The following UGGT2 variants were observed in gnomAD, a reference collection of about 807,000 sequenced individuals.
UGGT2 encodes the protein UDP-glucose glycoprotein glucosyltransferase 2.
A neutral mutation model predicts 192.1 loss-of-function variants in UGGT2; 180 were observed. The observed-to-expected ratio is 0.94, with a 90% confidence interval of 0.83 to 1.06. UGGT2 has a LOEUF of 1.06. Among genes scored for constraint, UGGT2 ranks in the 50% least tolerant of loss-of-function variants. UGGT2 has a pLI of 0.00. For synonymous variants in UGGT2, 580 were observed against 591.0 expected, an observed-to-expected ratio of 0.98 and a Z score of 0.27; for missense variants, 1,849 against 1,795.7, an observed-to-expected ratio of 1.03 and a Z score of -0.54.
chr13:95,903,112 C>A (rs1454604421), intron 20 of UGGT2, 52 bp from the exon 21 acceptor site: 1 of 1,525,020 alleles, frequency 6.6e-7, no homozygotes, highest in Non-Finnish European at 8.8e-7. Flanking sequence ...TATCATTTTA[C>A]AGGTGAATAT....
intron 25 of UGGT2, among the ~76,000 whole-genome samples, chr13:95,889,741 T>C (rs1297680256): frequency 6.6e-6 from 1 of 152,232 alleles, no homozygotes; most frequent in Non-Finnish European, 1.5e-5. Flanking sequence ...CATTTTCCTC[T>C]TTCACAGGGA....
At chr13:95,997,385 C>T (rs576320220) in intron 6 of UGGT2, among the ~76,000 whole-genome samples, 33 of 152,134 alleles carry the variant, frequency 2.2e-4, no homozygotes, top group East Asian at 1.9e-4. Context: ...TGGTGGCTCA[C>T]GCCTGTAATC....
intron 7 of UGGT2, among the ~76,000 whole-genome samples, chr13:95,993,720 T>C (rs61972952): frequency 0.028 from 4,205 of 152,288 alleles, 74 homozygotes; most frequent in Non-Finnish European, 0.034. Flanking sequence ...TTACTGTCTA[T>C]AGTTATCTAC....
intron 38 of UGGT2, among the ~76,000 whole-genome samples, chr13:95,802,616 C>T (rs945914591): frequency 1.3e-5 from 2 of 152,146 alleles, no homozygotes; most frequent in Non-Finnish European, 2.9e-5. Context: ...CAGGATACAC[C>T]GCTGAAACGA....
At chr13:95,872,932 T>A (rs1891342351) in intron 29 of UGGT2, among the ~76,000 whole-genome samples, 1 of 152,206 alleles carries the variant, frequency 6.6e-6, no homozygotes, top group Admixed American at 6.5e-5. Flanking sequence ...ACAATGATTT[T>A]CCCATTTAGT....
chr13:95,950,419 G>A (rs1486340891), intron 12 of UGGT2, among the ~76,000 whole-genome samples: 1 of 151,862 alleles, frequency 6.6e-6, no homozygotes, highest in Non-Finnish European at 1.5e-5. Context: ...AAAAATAGTA[G>A]AGCCTTCACA....
intron 20 of UGGT2, among the ~76,000 whole-genome samples, chr13:95,913,159 A>G (rs1439489215): frequency 7.9e-5 from 12 of 152,200 alleles, no homozygotes. Flanking sequence ...AGGCAATACC[A>G]TTTAGGACAT....
At chr13:95,933,936 G>A (rs1250762177) in intron 17 of UGGT2, among the ~76,000 whole-genome samples, 5 of 152,022 alleles carry the variant, frequency 3.3e-5, no homozygotes, top group East Asian at 1.9e-4. Context: ...TGCCCACCTC[G>A]GCCTCCCAAA....
intron 5 of UGGT2, among the ~76,000 whole-genome samples, chr13:96,009,327 C>T (rs2052081712): frequency 6.6e-6 from 1 of 152,076 alleles, no homozygotes; most frequent in South Asian, 2.1e-4. Context: ...GCAACAAAAA[C>T]AAAAATTGAC....
intron 7 of UGGT2, among the ~76,000 whole-genome samples, chr13:95,995,182 A>G (rs1010074425): frequency 6.6e-6 from 1 of 152,106 alleles, no homozygotes; most frequent in South Asian, 2.1e-4. Flanking sequence ...TTAGTAAAAA[A>G]AGATAAACAC....
At position 95,854,319 on chromosome 13, in the gene UGGT2, T is replaced by C. The variant is rs767824053; in HGVS notation, c.4165A>G (p.Ile1389Val). The stretch of plus-strand genomic sequence containing the variant: ...TAAGGGTCTGACTTTTCTTACCTGA[T>C]ATGGTATTTCCGTCTTAAAAGATGT... ...ASHLLRRKYHISALYVVDLKK... is the reference protein window; with the variant it reads ...ASHLLRRKYHVSALYVVDLKK... The change falls in exon 35 of 39, where the codon ATC becomes GTC. Residue 1389 changes from isoleucine (I) to valine (V), a missense_variant. Coordinates refer to ENST00000376747, the MANE Select transcript of UGGT2 (RefSeq NM_020121.4). 2.5e-6 allele frequency: 4 copies of C among 1,611,472 alleles called. No homozygotes were observed. The South Asian group carries it at 3.3e-5, about 13-fold the overall frequency.
chr13:95,815,524 T>C (rs900173794), intron 38 of UGGT2, among the ~76,000 whole-genome samples: 2 of 152,180 alleles, frequency 1.3e-5, no homozygotes, highest in Non-Finnish European at 2.9e-5. Flanking sequence ...ATATGTACAC[T>C]GCAAACTAAA....
intron 36 of UGGT2, among the ~76,000 whole-genome samples, chr13:95,849,466 C>T (rs1888799605): frequency 6.6e-6 from 1 of 151,426 alleles, no homozygotes; most frequent in South Asian, 2.1e-4. Flanking sequence ...TGGCGTGAAC[C>T]CAGGAGGCGG....
intron 27 of UGGT2, among the ~76,000 whole-genome samples, chr13:95,882,246 A>T (rs2047516475): frequency 6.6e-6 from 1 of 152,196 alleles, no homozygotes; most frequent in African/African-American, 2.4e-5. Context: ...TAATTATGAA[A>T]TTAATGCTGG....
At chr13:95,990,228 G>A (rs1395691099) in intron 7 of UGGT2, 155 bp from the exon 8 acceptor site, 5 of 427,282 alleles carry the variant, frequency 1.2e-5, no homozygotes, top group Non-Finnish European at 1.6e-5. Flanking sequence ...CTATATTCAC[G>A]GAACTTAAAA....
At chr13:96,015,207 G>A (rs2052291846) in intron 4 of UGGT2, among the ~76,000 whole-genome samples, 1 of 151,572 alleles carries the variant, frequency 6.6e-6, no homozygotes, top group Non-Finnish European at 1.5e-5. Context: ...GAATCCAGGA[G>A]GTGGAGCTTG....
rs1034902071 is a variant in UGGT2, at chr13:96,026,758, G to A, written c.242-2999C>T. ...GCAATCTCGGCTCACTGCAAGCTCC[G>A]CTTCCCAGGTTCACGCCATTCTCCT... On this transcript the variant is annotated intron_variant, in intron 2 of 38. Transcript: ENST00000376747. 9.0e-5 allele frequency among the ~76,000 whole-genome samples: 13 copies of A among 144,200 alleles called. No individual in the cohort carries two copies. The South Asian group carries it at 1.6e-3, about 17-fold the overall frequency. 94.6% of individuals were successfully genotyped at this position (144,200 alleles called of 152,430 possible).
At chr13:95,803,301 C>T (rs1344669912) in intron 38 of UGGT2, among the ~76,000 whole-genome samples, 1 of 151,268 alleles carries the variant, frequency 6.6e-6, no homozygotes, top group Non-Finnish European at 1.5e-5. Flanking sequence ...ACTCTTGTTG[C>T]CCAGATTGGA....
At chr13:95,802,723 C>G (rs1318564971) in intron 38 of UGGT2, among the ~76,000 whole-genome samples, 1 of 152,166 alleles carries the variant, frequency 6.6e-6, no homozygotes, top group Non-Finnish European at 1.5e-5. Context: ...AAGGGCCGTC[C>G]GTGGAAAATC....
Sources: gnomAD v4.1 joint callset for allele counts (sites outside exome capture counted in the v4.1 genomes callset) on GRCh38, gnomAD v4.1.1 for gene constraint, MANE v1.5 for transcripts, NCBI Gene and HGNC (gene_info 2026-07-23, HGNC 2026-07-21) for gene names.